The following TASP1 variants were observed in gnomAD, a reference collection of about 807,000 sequenced individuals.
TASP1 encodes the protein taspase 1.
Under a neutral mutation model 56.6 loss-of-function variants are expected in TASP1, and 16 were observed. The ratio of observed to expected loss-of-function variants is 0.28; its 90% confidence interval spans 0.19 to 0.43. The LOEUF (loss-of-function observed/expected upper bound fraction) is 0.43. Among genes scored for constraint, TASP1 ranks in the 20% least tolerant of loss-of-function variants. TASP1 has a pLI of 1.00. For missense variants in TASP1, 393 were observed against 511.6 expected (o/e 0.77, Z 2.24); for synonymous variants, 179 against 184.2 (o/e 0.97, Z 0.23).
chr20:13,215,984 T>C, the TASP1 span, among the ~76,000 whole-genome samples: 642 of 152,370 alleles, frequency 4.2e-3, 6 homozygotes, highest in African/African-American at 0.015. Context: ...CACTTCAGGC[T>C]TTCTGTTCGT....
chr20:13,440,068 T>C (rs1347285449), intron 11 of TASP1, among the ~76,000 whole-genome samples: 5 of 152,118 alleles, frequency 3.3e-5, no homozygotes, highest in African/African-American at 7.2e-5. Flanking sequence ...TGGAAAGCAA[T>C]GGTATTACAG....
intron 2 of TASP1, among the ~76,000 whole-genome samples, chr20:13,627,995 T>A (rs2048956967): frequency 6.6e-6 from 1 of 152,194 alleles, no homozygotes; most frequent in South Asian, 2.1e-4. Flanking sequence ...ACGGAAAATG[T>A]TACCATCCTG....
chr20:13,201,293 G>T, the TASP1 span, among the ~76,000 whole-genome samples: 1 of 152,134 alleles, frequency 6.6e-6, no homozygotes, highest in Non-Finnish European at 1.5e-5. Flanking sequence ...AGATGATAGA[G>T]ACCTGGCTGA....
chr20:13,184,839 C>G, the TASP1 span, among the ~76,000 whole-genome samples: 1 of 152,132 alleles, frequency 6.6e-6, no homozygotes, highest in Non-Finnish European at 1.5e-5. Flanking sequence ...CAACTAAGCC[C>G]AGTCTAGGTC....
intron 11 of TASP1, among the ~76,000 whole-genome samples, chr20:13,465,126 G>GT (rs1288821318): frequency 2.0e-5 from 3 of 147,354 alleles, no homozygotes; most frequent in Non-Finnish European, 4.5e-5. Context: ...AGCCATGATG[G>GT]TGCCACTGCA....
the TASP1 span, among the ~76,000 whole-genome samples, chr20:13,199,952 C>T: frequency 6.6e-6 from 1 of 152,196 alleles, no homozygotes; most frequent in African/African-American, 2.4e-5. Flanking sequence ...TAGCAGTTAA[C>T]AAACATGGAT....
intron 1 of TASP1, among the ~76,000 whole-genome samples, chr20:13,635,387 CTTTTTT>C (rs34767488): frequency 1.2e-4 from 15 of 129,276 alleles, no homozygotes; most frequent in African/African-American, 4.1e-4. Flanking sequence ...TCAGCAATTT[CTTTTTT>C]TTTTTTTTTT....
intron 12 of TASP1, among the ~76,000 whole-genome samples, chr20:13,422,646 C>A (rs541288665): frequency 6.6e-6 from 1 of 152,288 alleles, no homozygotes; most frequent in African/African-American, 2.4e-5. Context: ...CTCTGAAACA[C>A]CAGACAGCAC....
At chr20:13,575,908 T>C (rs750658427) in intron 6 of TASP1, among the ~76,000 whole-genome samples, 3 of 152,056 alleles carry the variant, frequency 2.0e-5, no homozygotes, top group Non-Finnish European at 2.9e-5. Context: ...CCAGGAGACA[T>C]AATATTTATG....
chr20:13,247,517 G>GGGGGGTGTGT, the TASP1 span, among the ~76,000 whole-genome samples: 1 of 139,806 alleles, frequency 7.2e-6, no homozygotes, highest in African/African-American at 2.7e-5. Flanking sequence ...CAAAGTGAGG[G>GGGGGGTGTGT]GTGTGTGTGT....
the TASP1 span, chr20:13,222,038 T>A: frequency 1.4e-5 from 14 of 968,754 alleles, no homozygotes; most frequent in Non-Finnish European, 1.8e-5. Context: ...AGCAACTGTT[T>A]TGGCAGTAGT....
At chr20:13,400,586 G>C (rs2041699384) in intron 13 of TASP1, among the ~76,000 whole-genome samples, 1 of 152,142 alleles carries the variant, frequency 6.6e-6, no homozygotes, top group Non-Finnish European at 1.5e-5. Flanking sequence ...CCTAAATTAA[G>C]TTTCATTTTA....
At chr20:13,453,996 T>C (rs80059274) in intron 11 of TASP1, among the ~76,000 whole-genome samples, 8,852 of 150,682 alleles carry the variant, frequency 0.059, 362 homozygotes, top group African/African-American at 0.12. Context: ...GAAAGAAGGA[T>C]GTTCCAGATG....
intron 8 of TASP1, 108 bp from the exon 9 acceptor site, chr20:13,534,249 A>C: frequency 1.5e-6 from 2 of 1,305,412 alleles, no homozygotes; most frequent in East Asian, 2.6e-5. Context: ...ATCTAAACTA[A>C]TCCCTAAGTG....
the TASP1 span, among the ~76,000 whole-genome samples, chr20:13,157,483 G>A: frequency 1.1e-3 from 174 of 152,204 alleles, no homozygotes; most frequent in Non-Finnish European, 2.0e-3. Context: ...GTAGGCAGCA[G>A]AGCCCAGAAT....
At chr20:13,529,404 CCTAG>C (rs2045122369) in intron 9 of TASP1, among the ~76,000 whole-genome samples, 1 of 152,076 alleles carries the variant, frequency 6.6e-6, no homozygotes, top group African/African-American at 2.4e-5. Flanking sequence ...TTTTAAAAAA[CCTAG>C]CTAGCTAGCT....
chr20:13,469,560 A>C (rs1300718513), intron 11 of TASP1, among the ~76,000 whole-genome samples: 1 of 152,146 alleles, frequency 6.6e-6, no homozygotes, highest in Non-Finnish European at 1.5e-5. Flanking sequence ...GTAAGAAGAA[A>C]GGAAGAAGAG....
chr20:13,542,388 A>T (rs1248124921), intron 8 of TASP1, among the ~76,000 whole-genome samples: 1 of 152,184 alleles, frequency 6.6e-6, no homozygotes, highest in Non-Finnish European at 1.5e-5. Context: ...TATGTAAAGT[A>T]AAAACAGAGA....
At chr20:13,277,640 A>T in the TASP1 span, among the ~76,000 whole-genome samples, 179 of 118,332 alleles carry the variant, frequency 1.5e-3, no homozygotes, top group African/African-American at 6.7e-3. Context: ...CTTCCCCCCT[A>T]CCCTTTTTTT....
Sources: gnomAD v4.1 joint callset for allele counts (sites outside exome capture counted in the v4.1 genomes callset) on GRCh38, gnomAD v4.1.1 for gene constraint, MANE v1.5 for transcripts, NCBI Gene and HGNC (gene_info 2026-07-23, HGNC 2026-07-21) for gene names.